The following GLIS3 variants were observed in gnomAD, a reference collection of about 807,000 sequenced individuals.
The protein encoded by GLIS3 is zinc finger protein GLIS3.
In GLIS3, 53 loss-of-function variants were observed where a neutral mutation model predicts 78.6. The ratio of observed to expected loss-of-function variants is 0.67; its 90% CI spans 0.54 to 0.85. The LOEUF (loss-of-function observed/expected upper bound fraction) is 0.85, where lower values mean the gene tolerates loss of function less well. Among genes scored for constraint, GLIS3 ranks in the 40% least tolerant of loss-of-function variants. GLIS3 has a pLI of 0.00. For synonymous variants in GLIS3, 684 were observed against 509.9 expected (o/e 1.34, Z -4.60); for missense variants, 1,703 against 1,231.1 (o/e 1.38, Z -5.74).
chr9:4,442,309 T>C, the GLIS3 span, among the ~76,000 whole-genome samples: 1 of 152,182 alleles, frequency 6.6e-6, no homozygotes. Flanking sequence ...TCCTTTTTCA[T>C]TTCTAATTTT....
chr9:4,020,452 A>T (rs1014431999), intron 4 of GLIS3, among the ~76,000 whole-genome samples: 4 of 152,170 alleles, frequency 2.6e-5, no homozygotes, highest in African/African-American at 9.7e-5. Context: ...TTGCGTTTAC[A>T]TCGTACCCAA....
chr9:3,981,084 G>T (rs1819242443), intron 4 of GLIS3, among the ~76,000 whole-genome samples: 1 of 152,194 alleles, frequency 6.6e-6, no homozygotes, highest in Admixed American at 6.5e-5. Flanking sequence ...GGGGTCAGCA[G>T]ATTCCCTAAC....
the GLIS3 span, among the ~76,000 whole-genome samples, chr9:4,379,753 C>T: frequency 6.6e-6 from 1 of 152,230 alleles, no homozygotes. Context: ...CTAGCAATGA[C>T]AGAGGTATTT....
At chr9:3,914,109 A>C (rs2130697490) in intron 6 of GLIS3, among the ~76,000 whole-genome samples, 1 of 149,944 alleles carries the variant, frequency 6.7e-6, no homozygotes, top group South Asian at 2.1e-4. Flanking sequence ...ATTGAACCGA[A>C]ATTTTTTTTA....
At chr9:4,096,556 C>G (rs528109222) in intron 4 of GLIS3, among the ~76,000 whole-genome samples, 2 of 152,268 alleles carry the variant, frequency 1.3e-5, no homozygotes, top group South Asian at 4.1e-4. Flanking sequence ...GGCTGAAGGA[C>G]TAAATTAAAA....
chr9:4,315,630 C>G (rs765330010), intron 2 of GLIS3, among the ~76,000 whole-genome samples: 4 of 152,146 alleles, frequency 2.6e-5, no homozygotes, highest in Non-Finnish European at 5.9e-5. Context: ...CAGAACACCT[C>G]ACTTTGTGTG....
intron 9 of GLIS3, among the ~76,000 whole-genome samples, chr9:3,854,551 T>TC (rs1334154901): frequency 3.3e-5 from 5 of 151,344 alleles, no homozygotes; most frequent in Non-Finnish European, 7.4e-5. Context: ...TTCTTTTTTT[T>TC]TTTGAGACAG....
At chr9:4,450,756 C>T in the GLIS3 span, among the ~76,000 whole-genome samples, 2 of 152,124 alleles carry the variant, frequency 1.3e-5, no homozygotes, top group African/African-American at 2.4e-5. Context: ...CTAAGCTTCA[C>T]AAGTGAAGGA....
At chr9:4,300,327 G>A (rs887468065), upstream of GLIS3, among the ~76,000 whole-genome samples, 2 of 41,396 alleles carry the variant, frequency 4.8e-5, no homozygotes, top group African/African-American at 1.7e-4. Context: ...GGCCTTATTT[G>A]TTAAACTGAC....
At chr9:4,354,715 T>A in the GLIS3 span, among the ~76,000 whole-genome samples, 8 of 152,244 alleles carry the variant, frequency 5.3e-5, no homozygotes, top group East Asian at 1.2e-3. Context: ...TGCATAAGTG[T>A]CCCTGAGCTC....
intron 2 of GLIS3, among the ~76,000 whole-genome samples, chr9:4,169,933 G>A (rs566874056): frequency 1.1e-4 from 17 of 152,076 alleles, no homozygotes; most frequent in East Asian, 9.6e-4. Flanking sequence ...ACCAAATGTC[G>A]CTTCAATTTC....
intron 8 of GLIS3, chr9:3,875,701 T>C (rs1251446579): frequency 2.0e-5 from 3 of 152,166 alleles, no homozygotes; most frequent in Non-Finnish European, 4.4e-5. Flanking sequence ...CAAGTCATCT[T>C]CCTTTCCAAA....
At chr9:4,161,260 G>A (rs1427714481) in intron 2 of GLIS3, among the ~76,000 whole-genome samples, 2 of 151,924 alleles carry the variant, frequency 1.3e-5, no homozygotes, top group South Asian at 2.1e-4. Context: ...GAGACAAAGC[G>A]AGACCCTGTC....
intron 9 of GLIS3, among the ~76,000 whole-genome samples, chr9:3,853,236 A>G (rs192730672): frequency 6.6e-6 from 1 of 152,194 alleles, no homozygotes; most frequent in East Asian, 1.9e-4. Flanking sequence ...TGTGAGAGTT[A>G]AAAAAATCCC....
chr9:4,403,268 G>C, the GLIS3 span, among the ~76,000 whole-genome samples: 2 of 152,240 alleles, frequency 1.3e-5, no homozygotes, highest in Middle Eastern at 3.4e-3. Context: ...CAAAAGCTGA[G>C]GGATTTTATC....
intron 9 of GLIS3, among the ~76,000 whole-genome samples, chr9:3,837,963 G>T (rs953372953): frequency 2.0e-5 from 3 of 147,492 alleles, no homozygotes; most frequent in Non-Finnish European, 4.5e-5. Flanking sequence ...CTCTGGTGTG[G>T]TATGTTGGTA....
intron 2 of GLIS3, among the ~76,000 whole-genome samples, chr9:4,154,607 A>AACG (rs1327726459): frequency 1.8e-4 from 19 of 106,014 alleles, no homozygotes; most frequent in African/African-American, 8.5e-4. Context: ...CTTGCGAATC[A>AACG]ATGATAAACA....
chr9:4,371,203 A>G, the GLIS3 span, among the ~76,000 whole-genome samples: 1 of 152,236 alleles, frequency 6.6e-6, no homozygotes, highest in Non-Finnish European at 1.5e-5. Context: ...CACAAAGGGA[A>G]ACACAATTTC....
Position 4,106,831 on chromosome 9 carries a change from G to C in GLIS3, c.1710+10937C>G, listed in dbSNP as rs61737300. On this transcript the variant is annotated intron_variant, in intron 4 of 10. Transcript: ENST00000381971. ...ATGAGCAGATCTCCCTTAAGGGTAA[G>C]TGCCTGTGGGACATGAAGACATCAC... 4.8e-3 allele frequency among the ~76,000 whole-genome samples: 735 copies of C among 152,314 alleles called. 7 individuals are homozygous for C. The highest frequency in any genetic ancestry group is 0.017 in the African/African-American group (703 of 41,560).
Sources: allele counts gnomAD v4.1 joint callset (sites outside exome capture counted in the v4.1 genomes callset), GRCh38; gene constraint gnomAD v4.1.1; transcripts MANE v1.5; gene names NCBI Gene and HGNC (gene_info 2026-07-23, HGNC 2026-07-21).